Variants in CDC42BPA observed in about 807,000 individuals in gnomAD.
CDC42BPA encodes CDC42 binding protein kinase alpha.
CDC42BPA carries 80 observed loss-of-function variants against 223.5 expected under a neutral mutation model. The observed-to-expected ratio is 0.36, with a 90% CI of 0.30 to 0.43. CDC42BPA has a LOEUF of 0.43. Ranked by LOEUF, CDC42BPA falls within the 20% of genes least tolerant of loss-of-function variation. The probability of loss-of-function intolerance (pLI) is 1.00; values close to 1 mark genes in which losing one functional copy is unlikely to be tolerated. For synonymous variants in CDC42BPA, 694 were observed against 718.6 expected (o/e 0.97, Z 0.55); for missense variants, 1,743 against 2,099.9 (o/e 0.83, Z 3.32).
chr1:227,165,633 A>G (rs1664906106), intron 5 of CDC42BPA, among the ~76,000 whole-genome samples: 1 of 152,202 alleles, frequency 6.6e-6, no homozygotes, highest in Non-Finnish European at 1.5e-5. Context: ...ATAAAAGTAT[A>G]GTGAGAGAAT....
chr1:227,132,449 C>T (rs1201938024), intron 10 of CDC42BPA, among the ~76,000 whole-genome samples: 1 of 145,614 alleles, frequency 6.9e-6, no homozygotes, highest in African/African-American at 2.6e-5. Flanking sequence ...GGTGCCCAGG[C>T]TGGAGTGCAG....
At chr1:227,269,493 G>A (rs1340203901) in intron 1 of CDC42BPA, among the ~76,000 whole-genome samples, 2 of 152,098 alleles carry the variant, frequency 1.3e-5, no homozygotes, top group African/African-American at 4.8e-5. Flanking sequence ...CTTATAGCCA[G>A]AAGTATTAAT....
chr1:227,317,330 T>C lies in CDC42BPA; in HGVS notation c.-148A>G, dbSNP rs1385205154. ...TGCAATGCTGGTGCTGAATTAAACA[T>C]CCAACACACCAGTAACCTCACTTAA... On this transcript the variant is annotated 5_prime_UTR_variant, in exon 1 of 37. The change abolishes an upstream ATG in the 5' untranslated region. Coordinates refer to ENST00000366766, the MANE Select transcript of CDC42BPA (RefSeq NM_001394014.1). The C allele has an allele frequency of 6.8e-6, 5 of 740,616 alleles. No individual in the cohort carries two copies. The African/African-American group carries it at 7.1e-5, about 11-fold the overall frequency. 45.9% of individuals were successfully genotyped at this position (740,616 alleles called of 1,614,324 possible). A position where few individuals can be genotyped will look rare whatever the true frequency, so the allele number is the denominator to read the frequency against.
chr1:227,194,252 T>C (rs1513609), intron 4 of CDC42BPA, among the ~76,000 whole-genome samples: 25,805 of 152,100 alleles, frequency 0.17, 2,334 homozygotes, highest in Non-Finnish European at 0.19. Context: ...TCCAAGATTT[T>C]AGAAGAATGA....
intron 21 of CDC42BPA, chr1:227,059,246 C>A: frequency 1.3e-6 from 1 of 770,732 alleles, no homozygotes; most frequent in South Asian, 1.7e-5. Flanking sequence ...GGAGCAGCAG[C>A]ACAAAGCATG....
chr1:227,055,458 T>G (rs1383006026), intron 21 of CDC42BPA, among the ~76,000 whole-genome samples: 1 of 152,162 alleles, frequency 6.6e-6, no homozygotes, highest in East Asian at 1.9e-4. Context: ...TTCAGAATAT[T>G]CAATGAATAC....
intron 22 of CDC42BPA, among the ~76,000 whole-genome samples, chr1:227,051,592 T>C (rs973336568): frequency 3.3e-5 from 5 of 152,228 alleles, no homozygotes; most frequent in East Asian, 1.9e-4. Flanking sequence ...CTAGAGTTTC[T>C]AATAATTCAA....
chr1:227,178,926 T>C (rs1371782555), intron 5 of CDC42BPA, among the ~76,000 whole-genome samples: 1 of 152,372 alleles, frequency 6.6e-6, no homozygotes, highest in Middle Eastern at 3.4e-3. Context: ...GCTATGAGCA[T>C]GTACACTTTT....
At chr1:227,042,050 G>C (rs960398528) in intron 23 of CDC42BPA, among the ~76,000 whole-genome samples, 2 of 151,998 alleles carry the variant, frequency 1.3e-5, no homozygotes, top group Non-Finnish European at 2.9e-5. Flanking sequence ...AAATTTTCTA[G>C]TGCTAACTTT....
chr1:227,175,760 T>C (rs1666845916), intron 5 of CDC42BPA, among the ~76,000 whole-genome samples: 4 of 152,184 alleles, frequency 2.6e-5, no homozygotes, highest in Non-Finnish European at 5.9e-5. Flanking sequence ...ATTTGCTATT[T>C]GGCATGACAA....
Position 227,257,893 on chromosome 1 carries a change from G to A in CDC42BPA, c.179-3738C>T, listed in dbSNP as rs1186006932. Among the ~76,000 whole-genome samples, 5 of 151,030 alleles carry A rather than the reference G, an allele frequency of 3.3e-5. 1 individual carries two copies. Among genetic ancestry groups the A allele is most frequent in the African/African-American group, 9.9e-5 (4 of 40,390 alleles). ...ACCTACTAGAACTAAAAATGGGGCC[G>A]GGTGTGGTGGTTCACGCCTGTATCC... On this transcript the variant is annotated intron_variant, in intron 1 of 36. Transcript: ENST00000366766.
At chr1:227,246,056 C>A (rs1473251469) in intron 2 of CDC42BPA, among the ~76,000 whole-genome samples, 1 of 152,132 alleles carries the variant, frequency 6.6e-6, no homozygotes, top group Non-Finnish European at 1.5e-5. Context: ...CGGCTCTGGG[C>A]CAGAGGGGGG....
chr1:227,112,991 T>C, intron 12 of CDC42BPA, 78 bp from the exon 13 acceptor site: 1 of 1,461,860 alleles, frequency 6.8e-7, no homozygotes, highest in East Asian at 2.3e-5. Context: ...ATAGCTATCA[T>C]TAAGTCAAGA....
intron 11 of CDC42BPA, among the ~76,000 whole-genome samples, chr1:227,120,480 G>A (rs761594463): frequency 4.6e-5 from 7 of 152,166 alleles, no homozygotes; most frequent in Non-Finnish European, 1.0e-4. Flanking sequence ...GAAACTCAGG[G>A]AGTTGAATAA....
At chr1:227,187,685 C>G (rs1265022172) in intron 5 of CDC42BPA, among the ~76,000 whole-genome samples, 3 of 84,566 alleles carry the variant, frequency 3.5e-5, no homozygotes, top group Admixed American at 1.6e-4. Context: ...CCCCACCCCC[C>G]CCCCAAAAAA....
chr1:227,254,583 T>C (rs2148290301), intron 1 of CDC42BPA, among the ~76,000 whole-genome samples: 1 of 152,354 alleles, frequency 6.6e-6, no homozygotes, highest in Admixed American at 6.5e-5. Context: ...CATTCATTTG[T>C]TCCTTTAAAA....
chr1:227,258,263 G>A (rs1683450195), intron 1 of CDC42BPA, among the ~76,000 whole-genome samples: 1 of 148,928 alleles, frequency 6.7e-6, no homozygotes, highest in African/African-American at 2.5e-5. Flanking sequence ...CTTAAAAGCA[G>A]TTTTGATTTC....
At chr1:227,229,330 A>C (rs1677411182) in intron 2 of CDC42BPA, among the ~76,000 whole-genome samples, 1 of 152,148 alleles carries the variant, frequency 6.6e-6, no homozygotes, top group Non-Finnish European at 1.5e-5. Context: ...AAATGTAAAA[A>C]TTTATTTATG....
chr1:227,208,726 GGTACCAGTACC>G (rs1219161797), intron 3 of CDC42BPA, among the ~76,000 whole-genome samples: 2 of 151,708 alleles, frequency 1.3e-5, no homozygotes, highest in African/African-American at 4.8e-5. Context: ...TCTCTGTTTT[GGTACCAGTACC>G]ATGCTGTTTT....
Sources: gnomAD v4.1 joint callset for allele counts (sites outside exome capture counted in the v4.1 genomes callset) on GRCh38, gnomAD v4.1.1 for gene constraint, MANE v1.5 for transcripts, NCBI Gene and HGNC (gene_info 2026-07-23, HGNC 2026-07-21) for gene names.